The following PXDNL variants were observed in gnomAD, a reference collection of about 807,000 sequenced individuals.
PXDNL encodes probable oxidoreductase PXDNL.
PXDNL carries 145 observed loss-of-function variants against 150.8 expected under a neutral mutation model. The ratio of observed to expected loss-of-function variants is 0.96; its 90% CI spans 0.84 to 1.10. The LOEUF (loss-of-function observed/expected upper bound fraction) is 1.10, where lower values mean the gene tolerates loss of function less well. PXDNL is among the 50% of genes least tolerant of loss of function. The pLI is 0.00. For synonymous variants in PXDNL, 757 were observed against 725.7 expected (o/e 1.04, Z -0.69); for missense variants, 2,087 against 1,873.9 (o/e 1.11, Z -2.10).
intron 17 of PXDNL, among the ~76,000 whole-genome samples, chr8:51,403,967 G>A (rs952478679): frequency 6.6e-6 from 1 of 152,146 alleles, no homozygotes; most frequent in Non-Finnish European, 1.5e-5. Flanking sequence ...TGGTGGGTTC[G>A]TGGTCTCACT....
intron 17 of PXDNL, among the ~76,000 whole-genome samples, chr8:51,382,323 T>C (rs915850551): frequency 1.3e-5 from 2 of 152,186 alleles, no homozygotes; most frequent in African/African-American, 4.8e-5. Context: ...AGCGTGGCCC[T>C]GCTGACACCT....
intron 12 of PXDNL, among the ~76,000 whole-genome samples, chr8:51,429,669 G>A (rs929606216): frequency 1.1e-4 from 16 of 148,530 alleles, no homozygotes; most frequent in African/African-American, 2.8e-4. Flanking sequence ...TGTCTTCCTC[G>A]TGTTCTTTTT....
chr8:51,393,252 T>C (rs1216648058), intron 17 of PXDNL, among the ~76,000 whole-genome samples: 2 of 152,220 alleles, frequency 1.3e-5, no homozygotes, highest in Non-Finnish European at 2.9e-5. Flanking sequence ...CACTCAGATG[T>C]GTGCATAGAC....
chr8:51,613,805 G>A (rs1470785825), intron 2 of PXDNL, among the ~76,000 whole-genome samples: 1 of 152,130 alleles, frequency 6.6e-6, no homozygotes. Context: ...TTACATCAAG[G>A]GAGCAAGCAT....
At chr8:51,390,663 G>T (rs1311343212) in intron 17 of PXDNL, among the ~76,000 whole-genome samples, 1 of 151,848 alleles carries the variant, frequency 6.6e-6, no homozygotes, top group Non-Finnish European at 1.5e-5. Flanking sequence ...GTGGATTCAG[G>T]TTCTCTGAGG....
At chr8:51,410,018 A>G (rs1180977565) in intron 16 of PXDNL, among the ~76,000 whole-genome samples, 1 of 152,232 alleles carries the variant, frequency 6.6e-6, no homozygotes, top group Non-Finnish European at 1.5e-5. Context: ...TTGTTCTTCC[A>G]CATCCCAGAA....
intron 1 of PXDNL, among the ~76,000 whole-genome samples, chr8:51,658,344 G>GAAAAAAAAAAAAAAAAAAAAA (rs34771782): frequency 7.4e-5 from 7 of 94,226 alleles, no homozygotes; most frequent in African/African-American, 1.2e-4. Flanking sequence ...CCTGTCTCAA[G>GAAAAAAAAAAAAAAAAAAAAA]AAAAAAAAAA....
At chr8:51,479,027 C>T (rs1198226946) in intron 6 of PXDNL, among the ~76,000 whole-genome samples, 1 of 152,190 alleles carries the variant, frequency 6.6e-6, no homozygotes, top group Non-Finnish European at 1.5e-5. Context: ...ATGTAAGGTG[C>T]ATACTGGCAC....
chr8:51,628,853 C>T (rs1814424756), intron 2 of PXDNL, among the ~76,000 whole-genome samples: 1 of 152,054 alleles, frequency 6.6e-6, no homozygotes, highest in African/African-American at 2.4e-5. Flanking sequence ...AGAAAAGTCA[C>T]TAACAGCAAA....
chr8:51,542,507 A>G (rs764968293), intron 4 of PXDNL, among the ~76,000 whole-genome samples: 2,578 of 151,678 alleles, frequency 0.017, 32 homozygotes, highest in African/African-American at 0.029. Context: ...AAAAAAAAAA[A>G]AAAGAGAGAG....
intron 2 of PXDNL, 138 bp from the exon 3 acceptor site, chr8:51,592,836 A>G: frequency 1.9e-6 from 1 of 524,282 alleles, no homozygotes; most frequent in Non-Finnish European, 3.2e-6. Flanking sequence ...GGAAATTTAT[A>G]CTTTAATTCC....
chr8:51,795,092 T>A (rs12334986), intron 1 of PXDNL, among the ~76,000 whole-genome samples: 2 of 152,130 alleles, frequency 1.3e-5, no homozygotes, highest in South Asian at 2.1e-4. Flanking sequence ...CAAGAAGAGA[T>A]AACTATCCTA....
At chr8:51,522,699 C>G (rs1202923242) in intron 4 of PXDNL, among the ~76,000 whole-genome samples, 1 of 152,008 alleles carries the variant, frequency 6.6e-6, no homozygotes, top group African/African-American at 2.4e-5. Flanking sequence ...CAAAAATTAC[C>G]TGGGCATTGT....
chr8:51,371,747 G>T, intron 19 of PXDNL, 126 bp downstream of exon 19: 1 of 871,998 alleles, frequency 1.1e-6, no homozygotes, highest in Non-Finnish European at 1.8e-6. Context: ...TTTCCAAAAG[G>T]AAAGTTCTGT....
intron 1 of PXDNL, among the ~76,000 whole-genome samples, chr8:51,806,598 C>A (rs950827368): frequency 6.6e-6 from 1 of 152,176 alleles, no homozygotes; most frequent in Non-Finnish European, 1.5e-5. Flanking sequence ...TATACCATTT[C>A]TCTACTAGAA....
intron 17 of PXDNL, among the ~76,000 whole-genome samples, chr8:51,395,569 T>C (rs1283411357): frequency 1.3e-5 from 2 of 152,248 alleles, no homozygotes; most frequent in Non-Finnish European, 2.9e-5. Context: ...AACCAATATT[T>C]TTTAAGTATA....
chr8:51,716,780 CT>C (rs1816623733), intron 1 of PXDNL, among the ~76,000 whole-genome samples: 2 of 152,338 alleles, frequency 1.3e-5, no homozygotes, highest in South Asian at 4.1e-4. Flanking sequence ...GATTGCACCC[CT>C]AGCTCCTGTA....
chr8:51,734,561 A>C (rs1406850596), intron 1 of PXDNL, among the ~76,000 whole-genome samples: 15 of 152,228 alleles, frequency 9.9e-5, no homozygotes, highest in Non-Finnish European at 5.9e-5. Flanking sequence ...TCTTAATACA[A>C]GAGAGATAAA....
intron 1 of PXDNL, among the ~76,000 whole-genome samples, chr8:51,705,291 C>T (rs1204711692): frequency 6.6e-6 from 1 of 152,154 alleles, no homozygotes; most frequent in Non-Finnish European, 1.5e-5. Context: ...TGAGAATAGC[C>T]CTCATTTTTT....
Sources: gnomAD v4.1 joint callset for allele counts (sites outside exome capture counted in the v4.1 genomes callset) on GRCh38, gnomAD v4.1.1 for gene constraint, MANE v1.5 for transcripts, NCBI Gene and HGNC (gene_info 2026-07-23, HGNC 2026-07-21) for gene names.